STRBP: variants seen among roughly 807,000 people sequenced by gnomAD.
The protein encoded by STRBP is spermatid perinuclear RNA binding protein.
STRBP carries 13 observed loss-of-function variants against 80.1 expected under a neutral mutation model. The observed-to-expected ratio is 0.16, with a 90% CI of 0.11 to 0.26. The LOEUF (loss-of-function observed/expected upper bound fraction) is 0.26. Among genes scored for constraint, STRBP ranks in the 10% least tolerant of loss-of-function variants. STRBP has a pLI of 1.00. For synonymous variants in STRBP, 284 were observed against 291.2 expected (o/e 0.98, Z 0.25); for missense variants, 485 against 815.2 (o/e 0.59, Z 4.93).
intron 2 of STRBP, chr9:123,212,818 A>T (rs190931149): frequency 6.6e-6 from 1 of 152,348 alleles, no homozygotes; most frequent in East Asian, 1.9e-4. Context: ...AAGCAAAGTA[A>T]ATTCTGCATC....
At chr9:123,150,833 G>A (rs2037026265) in intron 11 of STRBP, among the ~76,000 whole-genome samples, 1 of 152,132 alleles carries the variant, frequency 6.6e-6, no homozygotes, top group Non-Finnish European at 1.5e-5. Context: ...TACACTAGAA[G>A]TAAGATGAAC....
intron 2 of STRBP, among the ~76,000 whole-genome samples, chr9:123,210,830 A>AG (rs1212886151): frequency 8.9e-6 from 1 of 112,692 alleles, no homozygotes; most frequent in African/African-American, 2.6e-5. Flanking sequence ...ATCCGTTTCA[A>AG]AAAAAAAAAA....
At chr9:123,250,122 A>G (rs2040881001) in intron 1 of STRBP, among the ~76,000 whole-genome samples, 1 of 152,262 alleles carries the variant, frequency 6.6e-6, no homozygotes, top group Non-Finnish European at 1.5e-5. Flanking sequence ...GTTTTGGTGT[A>G]GTATCAAAGA....
chr9:123,190,402 A>T (rs1436087821), intron 2 of STRBP, among the ~76,000 whole-genome samples: 1 of 152,126 alleles, frequency 6.6e-6, no homozygotes, highest in Non-Finnish European at 1.5e-5. Context: ...CATTATTTCT[A>T]TGCAATAGTA....
chr9:123,257,325 C>T (rs1450167164), intron 1 of STRBP, among the ~76,000 whole-genome samples: 2 of 152,084 alleles, frequency 1.3e-5, no homozygotes, highest in East Asian at 3.9e-4. Context: ...TCGCTGAAAT[C>T]GCTCTATTAT....
In STRBP at chr9:123,229,011, T is replaced by A. The variant is rs140621771; in HGVS notation, c.-165+7819A>T. ...ATGGAATATTAGCCATAAAAAGGAA[T>A]GAAACACTCATACATGTTATAATAC... is the stretch of plus-strand genomic sequence containing the variant. On this transcript the variant is annotated intron_variant, in intron 2 of 18. Coordinates refer to ENST00000348403, the MANE Select transcript of STRBP (RefSeq NM_018387.5). Among the ~76,000 whole-genome samples the A allele has an allele frequency of 1.2e-3, 178 of 152,276 alleles. 5 individuals carry two copies. The highest frequency in any genetic ancestry group is 3.1e-4 in the Non-Finnish European group (21 of 68,020).
chr9:123,259,437 T>C (rs2041112685), intron 1 of STRBP, among the ~76,000 whole-genome samples: 1 of 152,156 alleles, frequency 6.6e-6, no homozygotes, highest in Non-Finnish European at 1.5e-5. Context: ...CCAGGCGCAA[T>C]GGCTCACGCC....
At chr9:123,135,573 A>G (rs1564222275) in intron 16 of STRBP, among the ~76,000 whole-genome samples, 1 of 152,234 alleles carries the variant, frequency 6.6e-6, no homozygotes. Flanking sequence ...CAGACACAAT[A>G]CAGCGCCAAA....
chr9:123,158,449 C>T lies in STRBP; in HGVS notation c.836-20G>A, dbSNP rs777922651. The T allele has an allele frequency of 6.8e-6, 11 of 1,605,950 alleles. No homozygotes were observed. Among genetic ancestry groups the T allele is most frequent in the Non-Finnish European group, 9.4e-6 (11 of 1,173,634 alleles). ...GACCCCCTTTGGCAAAGGAAAAACA[C>T]AAGTATCATTTAGAACTGAGTTTAG... On this transcript the variant is annotated intron_variant, in intron 9 of 18. Coordinates refer to ENST00000348403, the MANE Select transcript of STRBP (RefSeq NM_018387.5).
At chr9:123,213,180 C>T (rs1350208360) in intron 2 of STRBP, among the ~76,000 whole-genome samples, 1 of 152,166 alleles carries the variant, frequency 6.6e-6, no homozygotes, top group Admixed American at 6.5e-5. Flanking sequence ...CTTATATAAG[C>T]AGGGAAGATT....
At chr9:123,263,001 AAAGTT>A (rs1457747101) in intron 1 of STRBP, among the ~76,000 whole-genome samples, 2 of 152,244 alleles carry the variant, frequency 1.3e-5, no homozygotes, top group African/African-American at 4.8e-5. Context: ...ATCTCTCAAT[AAAGTT>A]TTCTAAAATT....
chr9:123,166,424 G>A (rs953436823), intron 6 of STRBP, among the ~76,000 whole-genome samples: 3 of 152,024 alleles, frequency 2.0e-5, no homozygotes, highest in Non-Finnish European at 2.9e-5. Flanking sequence ...TTAAAACGAG[G>A]AAACCTACCC....
intron 4 of STRBP, among the ~76,000 whole-genome samples, chr9:123,177,715 T>A (rs1434256206): frequency 6.6e-6 from 1 of 152,044 alleles, no homozygotes; most frequent in African/African-American, 2.4e-5. Flanking sequence ...AGAAACAAAA[T>A]TAGAAAATGT....
intron 3 of STRBP, chr9:123,111,654 GA>G: frequency 2.1e-6 from 1 of 473,866 alleles, no homozygotes. Flanking sequence ...GCTGTCACAG[GA>G]AAGGCCACAC....
intron 2 of STRBP, among the ~76,000 whole-genome samples, chr9:123,192,691 A>G (rs2038964833): frequency 6.6e-6 from 1 of 152,196 alleles, no homozygotes; most frequent in Non-Finnish European, 1.5e-5. Context: ...GGATACTTAC[A>G]TATTTGGAAG....
chr9:123,131,628 G>A (rs532898353), intron 17 of STRBP, among the ~76,000 whole-genome samples: 99 of 152,306 alleles, frequency 6.5e-4, no homozygotes, highest in African/African-American at 2.3e-3. Context: ...AGGTTTCTCT[G>A]TTACATGCTC....
In STRBP at chr9:123,125,153, C is replaced by G; in HGVS notation, c.*444G>C. On this transcript the variant is annotated 3_prime_UTR_variant, in exon 19 of 19. Transcript: ENST00000348403. ...TAACTACAGCCCAAATTAAAGTGCC[C>G]TGGGGCAAATACATATCAATCAACT... 2.0e-6 allele frequency: 2 copies of G among 986,624 alleles called. No homozygotes were observed. Among genetic ancestry groups the G allele is most frequent in the Non-Finnish European group, 2.4e-6 (2 of 830,576 alleles). 61.1% of individuals were successfully genotyped at this position (986,624 alleles called of 1,614,324 possible). A position where few individuals can be genotyped will look rare whatever the true frequency, so the allele number is the denominator to read the frequency against.
intron 2 of STRBP, among the ~76,000 whole-genome samples, chr9:123,201,206 G>T (rs972377235): frequency 4.6e-5 from 7 of 151,736 alleles, no homozygotes; most frequent in Non-Finnish European, 7.4e-5. Flanking sequence ...GTATTTTTTT[G>T]TGTGTGTTTG....
intron 11 of STRBP, among the ~76,000 whole-genome samples, chr9:123,155,356 C>T (rs759419590): frequency 2.6e-5 from 4 of 152,012 alleles, no homozygotes; most frequent in Non-Finnish European, 5.9e-5. Flanking sequence ...TTAGTGTCAC[C>T]GACTTAAAGG....
Sources: gnomAD v4.1 joint callset for allele counts (sites outside exome capture counted in the v4.1 genomes callset) on GRCh38, gnomAD v4.1.1 for gene constraint, MANE v1.5 for transcripts, NCBI Gene and HGNC (gene_info 2026-07-23, HGNC 2026-07-21) for gene names.